Variants in BRD8 observed in about 807,000 individuals in gnomAD.
BRD8 encodes bromodomain containing 8, also known as bromodomain-containing protein 8.
In BRD8, 67 loss-of-function variants were observed where a neutral mutation model predicts 143.1. The ratio of observed to expected loss-of-function variants is 0.47; its 90% CI spans 0.38 to 0.57. The LOEUF (loss-of-function observed/expected upper bound fraction) is 0.57, where lower values mean the gene tolerates loss of function less well. Ranked by LOEUF, BRD8 falls within the 20% of genes least tolerant of loss-of-function variation. BRD8 has a pLI of 0.00. For missense variants in BRD8, 1,103 were observed against 1,503.0 expected (o/e 0.73, Z 4.40); for synonymous variants, 505 against 517.1 (o/e 0.98, Z 0.32).
intron 20 of BRD8, chr5:138,157,280 C>T: frequency 6.2e-7 from 1 of 1,613,506 alleles, no homozygotes; most frequent in Non-Finnish European, 8.5e-7. Flanking sequence ...AGATGACAGG[C>T]AGAGAAAGAA....
chr5:138,152,031 T>C (rs1158560711), intron 21 of BRD8, among the ~76,000 whole-genome samples: 1 of 152,040 alleles, frequency 6.6e-6, no homozygotes, highest in African/African-American at 2.4e-5. Context: ...ATTTTTTGTA[T>C]TTTTAGTAGA....
chr5:138,146,422 C>T (rs1214256383), intron 23 of BRD8, among the ~76,000 whole-genome samples: 2 of 150,782 alleles, frequency 1.3e-5, no homozygotes, highest in South Asian at 2.1e-4. Flanking sequence ...GTAGTGTGAT[C>T]GTGGCTTACT....
chr5:138,156,020 G>A lies in BRD8; in HGVS notation c.2578-3260C>T, dbSNP rs139467976. ...TTCCCGAGTAGCTGGGACTACAGGT[G>A]CACACCACCATGCTGGGCTAATTTT... is the stretch of plus-strand genomic sequence containing the variant. On this transcript the variant is annotated intron_variant, in intron 20 of 26. Coordinates refer to ENST00000254900, the MANE Select transcript of BRD8 (RefSeq NM_139199.2). Among the ~76,000 whole-genome samples, 969 of 151,494 alleles carry A rather than the reference G, an allele frequency of 6.4e-3. 7 individuals are homozygous for A. Among genetic ancestry groups the A allele is most frequent in the Middle Eastern group, 0.017 (5 of 294 alleles).
chr5:138,167,662 T>C lies in BRD8; in HGVS notation c.787+272A>G, dbSNP rs148689414. The C allele has an allele frequency of 1.6e-4, 59 of 377,426 alleles. No individual in the cohort carries two copies. In the East Asian group the frequency reaches 3.4e-3, roughly 22 times the overall value. The allele number at this position is 377,426 out of a possible 1,614,324, so 23.4% of individuals were successfully genotyped here. ...ACTATTCTATAATCTTAGGTATCTCTAGCACCTTGATTTTGCAAGCCCTAA... is the reference window on the plus strand; with the variant it reads ...ACTATTCTATAATCTTAGGTATCTCCAGCACCTTGATTTTGCAAGCCCTAA... On this transcript the variant is annotated intron_variant, in intron 9 of 26. Transcript: ENST00000254900.
In BRD8 at chr5:138,166,029, T is replaced by C; in HGVS notation, c.1077A>G (p.Glu359=). ...HTVTVSMDSS[E]ISMIINSIKE... ...TGATAGAATTGATGATCATGGATAT[T>C]TCACTGCTGTCCATGGAAACAGTCA... Residue 359 remains glutamate, a synonymous_variant, in exon 11 of 27, where the codon GAA becomes GAG. Coordinates refer to ENST00000254900, the MANE Select transcript of BRD8 (RefSeq NM_139199.2). 6.2e-7 allele frequency: 1 copy of C among 1,614,138 alleles called. No individual in the cohort carries two copies. The highest frequency in any genetic ancestry group is 8.5e-7 in the Non-Finnish European group (1 of 1,179,972).
chr5:138,153,372 T>A (rs1328613490), intron 20 of BRD8, among the ~76,000 whole-genome samples: 1 of 152,202 alleles, frequency 6.6e-6, no homozygotes, highest in Admixed American at 6.5e-5. Flanking sequence ...CAACTTTCAA[T>A]AAATCCCTAC....
At chr5:138,142,110 G>C (rs960091039) in intron 25 of BRD8, among the ~76,000 whole-genome samples, 1 of 152,156 alleles carries the variant, frequency 6.6e-6, no homozygotes, top group African/African-American at 2.4e-5. Context: ...AATGGGATTA[G>C]CATCCTTATA....
At chr5:138,142,080 A>C (rs181569633) in intron 25 of BRD8, among the ~76,000 whole-genome samples, 42 of 152,360 alleles carry the variant, frequency 2.8e-4, no homozygotes, top group Non-Finnish European at 2.9e-5. Context: ...TAATTAATTC[A>C]TGAGTGCTCT....
chr5:138,148,374 C>A (rs1244617496), intron 23 of BRD8, among the ~76,000 whole-genome samples: 1 of 151,864 alleles, frequency 6.6e-6, no homozygotes, highest in African/African-American at 2.4e-5. Context: ...TCTTTTATTT[C>A]TTGTTTTGTT....
rs149623831 is a variant in BRD8 at position 138,160,105 on chromosome 5, C to T, written c.2496G>A (p.Gly832=). ...CATCCTGTTTGCGGGTAGAATCTCT[C>T]CCTCGAAGACTTTTAGCACTGATCC... ...ESGISAKSLR[G]RDSTRKQDAS... Residue 832 remains glycine, a synonymous_variant, in exon 19 of 27, where the codon GGG becomes GGA. Coordinates refer to ENST00000254900, the MANE Select transcript of BRD8 (RefSeq NM_139199.2). 52 of 1,613,988 alleles carry T rather than the reference C, an allele frequency of 3.2e-5. No homozygotes were observed. The highest frequency in any genetic ancestry group is 4.3e-5 in the Non-Finnish European group (51 of 1,180,018).
Position 138,171,417 on chromosome 5 carries a change from A to T in BRD8, c.187-7T>A, listed in dbSNP as rs74769128. On this transcript the variant is annotated splice_region_variant and splice_polypyrimidine_tract_variant and intron_variant, in intron 3 of 26. Coordinates refer to ENST00000254900, the MANE Select transcript of BRD8 (RefSeq NM_139199.2). ...AGTACTGGGAAGCACAATGCTATTA[A>T]AAAAAAAAAAAAAAGTGAAAATGTG... is the stretch of plus-strand genomic sequence containing the variant. 16 of 184,722 alleles carry T rather than the reference A, an allele frequency of 8.7e-5. No homozygotes were observed. The African/African-American group carries it at 3.1e-3, about 36-fold the overall frequency. 11.4% of individuals were successfully genotyped at this position (184,722 alleles called of 1,614,324 possible). A position where few individuals can be genotyped will look rare whatever the true frequency, so the allele number is the denominator to read the frequency against.
chr5:138,171,317 C>G, intron 4 of BRD8, 44 bp downstream of exon 4: 2 of 1,519,650 alleles, frequency 1.3e-6, no homozygotes, highest in Non-Finnish European at 1.8e-6. Context: ...AGTAAATACT[C>G]TCCACTAAAG....
intron 9 of BRD8, 89 bp downstream of exon 9, chr5:138,167,845 C>A (rs756890727): frequency 1.6e-6 from 2 of 1,231,470 alleles, no homozygotes; most frequent in Non-Finnish European, 1.2e-6. Context: ...AAATCTAGCA[C>A]TGACAACTGC....
chr5:138,155,362 T>C (rs1393605160), intron 20 of BRD8, among the ~76,000 whole-genome samples: 1 of 150,250 alleles, frequency 6.7e-6, no homozygotes, highest in Non-Finnish European at 1.5e-5. Flanking sequence ...GGCAGGAGAA[T>C]CGCTTGCACC....
At chr5:138,167,898 A>G in intron 9 of BRD8, 36 bp downstream of exon 9, 1 of 1,593,824 alleles carries the variant, frequency 6.3e-7, no homozygotes, top group Non-Finnish European at 8.6e-7. Flanking sequence ...CAAGTTCAAC[A>G]CCTTTGAGGT....
At chr5:138,149,554 C>T (rs913841441) in intron 23 of BRD8, 86 bp downstream of exon 23, 12 of 1,243,504 alleles carry the variant, frequency 9.7e-6, no homozygotes, top group Non-Finnish European at 1.3e-5. Flanking sequence ...TTTTCTTTAA[C>T]TTATAAAAGT....
intron 23 of BRD8, among the ~76,000 whole-genome samples, chr5:138,148,218 CATA>C (rs1752239506): frequency 1.3e-5 from 2 of 148,508 alleles, no homozygotes; most frequent in Non-Finnish European, 3.0e-5. Context: ...GCATAAATCT[CATA>C]ATGTTTTAAG....
chr5:138,144,753 T>G (rs1752067618), intron 25 of BRD8, among the ~76,000 whole-genome samples: 1 of 151,874 alleles, frequency 6.6e-6, no homozygotes, highest in African/African-American at 2.4e-5. Context: ...AATACAAATA[T>G]TAGCCGGACG....
At chr5:138,142,113 T>A (rs1429428314) in intron 25 of BRD8, among the ~76,000 whole-genome samples, 1 of 152,182 alleles carries the variant, frequency 6.6e-6, no homozygotes, top group East Asian at 1.9e-4. Flanking sequence ...GGGATTAGCA[T>A]CCTTATAAAA....
Sources: allele counts gnomAD v4.1 joint callset (sites outside exome capture counted in the v4.1 genomes callset), GRCh38; gene constraint gnomAD v4.1.1; transcripts MANE v1.5; gene names NCBI Gene and HGNC (gene_info 2026-07-23, HGNC 2026-07-21).